Variants in PSMG2 observed in about 807,000 individuals in gnomAD.
PSMG2 encodes proteasome assembly chaperone 2.
In PSMG2, 21 loss-of-function variants were observed where a neutral mutation model predicts 31.5. The observed-to-expected ratio is 0.67, with a 90% CI of 0.47 to 0.96. The LOEUF (loss-of-function observed/expected upper bound fraction) is 0.96, where lower values mean the gene tolerates loss of function less well. Ranked by LOEUF, PSMG2 falls within the 40% of genes least tolerant of loss-of-function variation. PSMG2 has a pLI of 0.00. For synonymous variants in PSMG2, 120 were observed against 110.4 expected, an observed-to-expected ratio of 1.09 and a Z score of -0.54; for missense variants, 318 against 321.2, an observed-to-expected ratio of 0.99 and a Z score of 0.08.
At chr18:12,662,913 G>GTGA (rs1283108520) in intron 1 of PSMG2, among the ~76,000 whole-genome samples, 13 of 152,218 alleles carry the variant, frequency 8.5e-5, no homozygotes, top group Non-Finnish European at 1.5e-4. Flanking sequence ...CCTACTTAAT[G>GTGA]TGATTCTCCT....
chr18:12,720,091 G>C (rs2040416630), intron 4 of PSMG2, among the ~76,000 whole-genome samples: 1 of 152,060 alleles, frequency 6.6e-6, no homozygotes, highest in Admixed American at 6.6e-5. Flanking sequence ...CTGTCACCCA[G>C]GCTGGAGTGC....
chr18:12,668,582 A>C (rs2038852722), intron 1 of PSMG2, among the ~76,000 whole-genome samples: 2 of 131,118 alleles, frequency 1.5e-5, no homozygotes, highest in Admixed American at 8.2e-5. Context: ...TGGGAGACAG[A>C]GTAAGATTCC....
chr18:12,674,685 A>T, intron 1 of PSMG2: 1 of 1,614,150 alleles, frequency 6.2e-7, no homozygotes, highest in Non-Finnish European at 8.5e-7. Context: ...GCTCAAATTC[A>T]TAAGAAGCCA....
chr18:12,660,116 C>T (rs1401234654), intron 1 of PSMG2, among the ~76,000 whole-genome samples: 2 of 152,092 alleles, frequency 1.3e-5, no homozygotes, highest in African/African-American at 4.8e-5. Context: ...CTTTGCCTTA[C>T]CCACCAGTAA....
At chr18:12,714,113 C>T (rs997790049) in intron 3 of PSMG2, among the ~76,000 whole-genome samples, 6 of 152,314 alleles carry the variant, frequency 3.9e-5, no homozygotes, top group African/African-American at 1.4e-4. Flanking sequence ...ATTCACAGCC[C>T]TTACTGTGGC....
intron 3 of PSMG2, among the ~76,000 whole-genome samples, chr18:12,718,010 T>C (rs2040394340): frequency 7.2e-6 from 1 of 138,864 alleles, no homozygotes; most frequent in South Asian, 2.2e-4. Flanking sequence ...TTTTTCTTTT[T>C]TCTTTTTTTT....
At chr18:12,672,392 A>G (rs1468510438) in intron 1 of PSMG2, among the ~76,000 whole-genome samples, 2 of 152,254 alleles carry the variant, frequency 1.3e-5, no homozygotes, top group Non-Finnish European at 2.9e-5. Flanking sequence ...CTGGGATTAC[A>G]GGCATAAACC....
intron 5 of PSMG2, among the ~76,000 whole-genome samples, chr18:12,722,858 A>G (rs2040443110): frequency 6.6e-6 from 1 of 152,236 alleles, no homozygotes; most frequent in Non-Finnish European, 1.5e-5. Flanking sequence ...GCGCTTTCCA[A>G]GTTAGAGCCT....
At chr18:12,699,544 G>A (rs575357057), upstream of PSMG2, among the ~76,000 whole-genome samples, 1 of 152,232 alleles carries the variant, frequency 6.6e-6, no homozygotes, top group East Asian at 1.9e-4. Context: ...AATTCAGCAA[G>A]TGTATTTGTC....
upstream of PSMG2, among the ~76,000 whole-genome samples, chr18:12,698,311 C>A (rs546251122): frequency 6.6e-6 from 1 of 151,886 alleles, no homozygotes; most frequent in East Asian, 1.9e-4. Flanking sequence ...TCATTACACG[C>A]GCCTGCCACC....
intron 3 of PSMG2, among the ~76,000 whole-genome samples, chr18:12,716,390 A>ATTT (rs552921643): frequency 2.2e-4 from 29 of 130,348 alleles, no homozygotes; most frequent in African/African-American, 3.8e-4. Context: ...TAAAGAGTGA[A>ATTT]TTTTTTTTTT....
At chr18:12,716,202 T>G (rs2040374717) in intron 3 of PSMG2, among the ~76,000 whole-genome samples, 2 of 152,248 alleles carry the variant, frequency 1.3e-5, no homozygotes, top group Admixed American at 1.3e-4. Context: ...CTGCTAAGAT[T>G]ATTTTTAATT....
intron 4 of PSMG2, among the ~76,000 whole-genome samples, chr18:12,720,079 C>G (rs1442914009): frequency 6.6e-6 from 1 of 152,106 alleles, no homozygotes; most frequent in Non-Finnish European, 1.5e-5. Flanking sequence ...TGGAGTCTCA[C>G]TCTGTCACCC....
At position 12,695,202 on chromosome 18, in the gene PSMG2, ATAC is replaced by A. The variant is rs370722082; in HGVS notation, c.-36-11342_-36-11340del. 5.1e-3 allele frequency: 3,858 copies of A among 753,330 alleles called. 17 individuals are homozygous for A. The highest frequency in any genetic ancestry group is 6.8e-3 in the Non-Finnish European group (3,245 of 474,258). The allele number at this position is 753,330 out of a possible 1,614,324, so 46.7% of individuals were successfully genotyped here. On this transcript the variant is annotated intron_variant, in intron 1 of 6. Coordinates refer to the PSMG2 transcript ENST00000585331. ...TGCTTTCTAGGATCAACAGGTAAAT[ATAC>A]TACTATGAAAACAAACACACAAAAA...
intron 3 of PSMG2, among the ~76,000 whole-genome samples, 155 bp from the exon 4 acceptor site, chr18:12,718,362 C>T (rs1458383170): frequency 1.3e-5 from 2 of 152,104 alleles, no homozygotes; most frequent in South Asian, 2.1e-4. Flanking sequence ...CATTCACTTT[C>T]GGTTTAAGCA....
chr18:12,705,395 A>G (rs547009606), intron 1 of PSMG2, among the ~76,000 whole-genome samples: 1 of 152,012 alleles, frequency 6.6e-6, no homozygotes, highest in Admixed American at 6.6e-5. Context: ...ATGGGGAAAA[A>G]TTTGGGCAAA....
At chr18:12,723,320 C>T (rs2040447952) in intron 5 of PSMG2, among the ~76,000 whole-genome samples, 1 of 152,038 alleles carries the variant, frequency 6.6e-6, no homozygotes, top group South Asian at 2.1e-4. Context: ...TGGTGTATCT[C>T]CATCTCATCA....
At chr18:12,714,003 G>A (rs1338877196) in intron 3 of PSMG2, among the ~76,000 whole-genome samples, 2 of 152,032 alleles carry the variant, frequency 1.3e-5, no homozygotes, top group African/African-American at 2.4e-5. Context: ...CACCCACCTT[G>A]GCCTTTCAAA....
At chr18:12,704,423 C>CA (rs2040240731) in intron 1 of PSMG2, among the ~76,000 whole-genome samples, 1 of 151,680 alleles carries the variant, frequency 6.6e-6, no homozygotes, top group Non-Finnish European at 1.5e-5. Context: ...CTCATCTCTA[C>CA]AAAAAAATAA....
Sources: gnomAD v4.1 joint callset for allele counts (sites outside exome capture counted in the v4.1 genomes callset) on GRCh38, gnomAD v4.1.1 for gene constraint, MANE v1.5 for transcripts, NCBI Gene and HGNC (gene_info 2026-07-23, HGNC 2026-07-21) for gene names.